Variants in ARFGEF2 observed in about 807,000 individuals in gnomAD.
The protein encoded by ARFGEF2 is ARF guanine nucleotide exchange factor 2, also known as brefeldin A-inhibited guanine nucleotide-exchange protein 2.
ARFGEF2 carries 74 observed loss-of-function variants against 219.9 expected under a neutral mutation model. That is an observed-to-expected ratio of 0.34 (90% CI 0.28 to 0.41). The LOEUF is 0.41. Among genes scored for constraint, ARFGEF2 ranks in the 10% least tolerant of loss-of-function variants. ARFGEF2 has a pLI of 1.00. For missense variants in ARFGEF2, 1,743 were observed against 2,218.3 expected (o/e 0.79, Z 4.30); for synonymous variants, 733 against 799.2 (o/e 0.92, Z 1.40).
At chr20:48,963,345 A>C (rs1404234464) in intron 6 of ARFGEF2, among the ~76,000 whole-genome samples, 2 of 152,188 alleles carry the variant, frequency 1.3e-5, no homozygotes, top group East Asian at 3.8e-4. Context: ...AAGTTTAGTA[A>C]ATCCTTAACT....
intron 3 of ARFGEF2, among the ~76,000 whole-genome samples, chr20:48,946,948 T>C (rs1002315467): frequency 6.6e-6 from 1 of 152,052 alleles, no homozygotes; most frequent in Admixed American, 6.6e-5. Flanking sequence ...ACTACAGGTG[T>C]GTGCCGCCAC....
At position 48,939,422 on chromosome 20, in the gene ARFGEF2, G is replaced by GCA. The variant is rs577529118; in HGVS notation, c.122-1776_122-1775dup. ...AAGGAAAACCTACATTTGAGTTTGG[G>GCA]CAGCAGCACCCCTCTGGCATGTCAC... is the stretch of plus-strand genomic sequence containing the variant. On this transcript the variant is annotated intron_variant, in intron 1 of 38. Coordinates refer to ENST00000371917, the MANE Select transcript of ARFGEF2 (RefSeq NM_006420.3). Among the ~76,000 whole-genome samples the GCA allele has an allele frequency of 6.7e-3, 1,018 of 152,126 alleles. 12 individuals are homozygous for GCA. The highest frequency in any genetic ancestry group is 0.023 in the African/African-American group (974 of 41,490).
intron 6 of ARFGEF2, among the ~76,000 whole-genome samples, chr20:48,959,077 G>A (rs989145303): frequency 1.3e-5 from 2 of 152,156 alleles, no homozygotes; most frequent in African/African-American, 4.8e-5. Flanking sequence ...AGCTAATTCA[G>A]AAGTTTTAAA....
At chr20:48,997,003 G>T (rs2091394820) in intron 23 of ARFGEF2, among the ~76,000 whole-genome samples, 1 of 151,724 alleles carries the variant, frequency 6.6e-6, no homozygotes, top group African/African-American at 2.4e-5. Context: ...TTGTTCCATT[G>T]TCCATCTTTC....
At position 49,033,326 on chromosome 20, in the gene ARFGEF2, C is replaced by T. The variant is rs145405274; in HGVS notation, c.*127C>T. On this transcript the variant is annotated 3_prime_UTR_variant, in exon 39 of 39. Transcript: ENST00000371917. ...CTTGGATCTCAGAATGGCCTGGAAA[C>T]GGATGGCCTCTACGCTGTTCCATCA... 305 of 1,040,814 alleles carry T rather than the reference C, an allele frequency of 2.9e-4. No individual in the cohort carries two copies. In the African/African-American group the frequency reaches 4.0e-3, roughly 14 times the overall value. The allele number at this position is 1,040,814 out of a possible 1,614,324, so 64.5% of individuals were successfully genotyped here.
At chr20:49,019,044 T>G in intron 34 of ARFGEF2, 46 bp downstream of exon 34, 1 of 1,473,512 alleles carries the variant, frequency 6.8e-7, no homozygotes, top group Non-Finnish European at 9.4e-7. Flanking sequence ...CATGTTTATG[T>G]GATTCATATA....
intron 6 of ARFGEF2, among the ~76,000 whole-genome samples, chr20:48,958,719 G>C (rs2091120792): frequency 2.0e-5 from 3 of 152,138 alleles, no homozygotes; most frequent in Admixed American, 1.3e-4. Flanking sequence ...TGGGATTACA[G>C]GTGTGAGCCA....
chr20:49,024,188 G>T (rs755641121), intron 35 of ARFGEF2, among the ~76,000 whole-genome samples: 30 of 151,766 alleles, frequency 2.0e-4, no homozygotes, highest in Non-Finnish European at 3.8e-4. Flanking sequence ...GCCCAGCCTG[G>T]TCTCAAACTC....
At position 48,952,876 on chromosome 20, in the gene ARFGEF2, A is replaced by T. The variant is rs2091079974; in HGVS notation, c.595A>T (p.Asn199Tyr). 6.2e-7 allele frequency: 1 copy of T among 1,614,128 alleles called. No homozygotes were observed. Among genetic ancestry groups the T allele is most frequent in the Admixed American group, 1.7e-5 (1 of 60,010 alleles). Residue 199 changes from asparagine to tyrosine, a missense_variant, in exon 5 of 39, where the codon AAC (asparagine) becomes TAC (tyrosine). This residue lies in a region of ARFGEF2 where 394 missense variants were observed against 426.6 expected (regional missense o/e 0.92). Transcript: ENST00000371917. ...GAACGTCATTTTCACCCGCATGGAA[A>T]ACCAAGTGGTGAGTGACAGCACTTA... is the stretch of plus-strand genomic sequence containing the variant. ...MLNVIFTRME[N>Y]QVLQEARELE...
intron 6 of ARFGEF2, among the ~76,000 whole-genome samples, chr20:48,956,166 T>A (rs1183452975): frequency 6.6e-6 from 1 of 152,252 alleles, no homozygotes; most frequent in African/African-American, 2.4e-5. Flanking sequence ...AGTGCATGGA[T>A]GTTGGACACA....
At chr20:48,991,390 C>A (rs574686254) in intron 21 of ARFGEF2, among the ~76,000 whole-genome samples, 192 bp downstream of exon 21, 57 of 152,212 alleles carry the variant, frequency 3.7e-4, no homozygotes, top group African/African-American at 1.3e-3. Flanking sequence ...ACAGTGAGCA[C>A]CCTTGCACCC....
intron 3 of ARFGEF2, among the ~76,000 whole-genome samples, chr20:48,948,648 G>T (rs2091045006): frequency 6.6e-6 from 1 of 152,158 alleles, no homozygotes; most frequent in Non-Finnish European, 1.5e-5. Flanking sequence ...GTCCTATTCT[G>T]TACCAAGAAA....
At chr20:49,014,000 A>G (rs1300779140) in intron 30 of ARFGEF2, 40 bp downstream of exon 30, 1 of 1,612,870 alleles carries the variant, frequency 6.2e-7, no homozygotes, top group South Asian at 1.1e-5. Context: ...TATGATGGAG[A>G]GGAAAGCCTT....
At position 49,010,273 on chromosome 20, in the gene ARFGEF2, A is replaced by G; in HGVS notation, c.3626A>G (p.Gln1209Arg). The G allele has an allele frequency of 6.2e-7, 1 of 1,614,232 alleles. No homozygotes were observed. The highest frequency in any genetic ancestry group is 8.5e-7 in the Non-Finnish European group (1 of 1,180,044). The change falls in exon 27 of 39, where the codon CAG (glutamine) becomes CGG (arginine). Residue 1209 changes from glutamine (Q) to arginine (R), a missense_variant. Gln to Arg is a conservative substitution (Grantham distance 43). Transcript: ENST00000371917. ...IRDMAIRCIA[Q>R]MVNSQAANIR... is the part of the protein sequence containing the mutation. ...GACATGGCGATCCGCTGCATTGCCC[A>G]GATGGTGAACTCCCAGGCGGCCAAC...
chr20:49,013,482 G>T, intron 28 of ARFGEF2, 82 bp from the exon 29 acceptor site: 5 of 1,567,500 alleles, frequency 3.2e-6, no homozygotes, highest in Admixed American at 3.3e-5. Flanking sequence ...AATGTGTGGG[G>T]CCTTAATCTG....
rs1442981348 is a variant in ARFGEF2, at chr20:49,036,303, T to A, written c.*3104T>A. 3 of 398,212 alleles carry A rather than the reference T, an allele frequency of 7.5e-6. No individual in the cohort carries two copies. Among genetic ancestry groups the A allele is most frequent in the East Asian group, 7.1e-5 (2 of 28,010 alleles). The allele number at this position is 398,212 out of a possible 1,614,324, so 24.7% of individuals were successfully genotyped here. A position where few individuals can be genotyped will look rare whatever the true frequency, so the allele number is the denominator to read the frequency against. ...AACCAAAGCTGAGTGTTTTAAAGAATGAACATATCTGGAAATCCTTGCTCT... is the reference window on the plus strand; with the variant it reads ...AACCAAAGCTGAGTGTTTTAAAGAAAGAACATATCTGGAAATCCTTGCTCT... On this transcript the variant is annotated 3_prime_UTR_variant, in exon 39 of 39. Coordinates refer to ENST00000371917, the MANE Select transcript of ARFGEF2 (RefSeq NM_006420.3).
chr20:49,030,095 A>G, intron 37 of ARFGEF2, among the ~76,000 whole-genome samples: 1 of 151,130 alleles, frequency 6.6e-6, no homozygotes, highest in East Asian at 2.0e-4. Flanking sequence ...TTTTTAGTAG[A>G]GACAAAGTTT....
chr20:48,972,519 T>G (rs1255711784), intron 11 of ARFGEF2, 94 bp downstream of exon 11: 7 of 1,017,834 alleles, frequency 6.9e-6, no homozygotes, highest in Non-Finnish European at 1.1e-5. Flanking sequence ...TTTTAGAGTT[T>G]TAAAGGATTG....
At chr20:48,933,903 T>G (rs1178861531) in intron 1 of ARFGEF2, among the ~76,000 whole-genome samples, 2 of 152,104 alleles carry the variant, frequency 1.3e-5, no homozygotes, top group South Asian at 4.1e-4. Context: ...GTGTGTCACC[T>G]GGGGTCAGGA....
Sources: gnomAD v4.1 joint callset for allele counts (sites outside exome capture counted in the v4.1 genomes callset) on GRCh38, gnomAD v4.1.1 for gene constraint, gnomAD v4.1.1 regional missense constraint, MANE v1.5 for transcripts, NCBI Gene and HGNC (gene_info 2026-07-23, HGNC 2026-07-21) for gene names.